Variants in IFT81 observed in about 807,000 individuals in gnomAD.
The protein encoded by IFT81 is intraflagellar transport 81, also known as intraflagellar transport protein 81 homolog.
IFT81 carries 72 observed loss-of-function variants against 102.6 expected under a neutral mutation model. The ratio of observed to expected loss-of-function variants is 0.70; its 90% confidence interval spans 0.58 to 0.85. The LOEUF (loss-of-function observed/expected upper bound fraction) is 0.85, where lower values mean the gene tolerates loss of function less well. IFT81 is among the 40% of genes least tolerant of loss of function. IFT81 has a pLI of 0.00. For missense variants in IFT81, 723 were observed against 787.3 expected (o/e 0.92, Z 0.98); for synonymous variants, 237 against 242.7 (o/e 0.98, Z 0.22).
At chr12:110,135,841 T>A (rs1187884080) in intron 7 of IFT81, among the ~76,000 whole-genome samples, 1 of 147,308 alleles carries the variant, frequency 6.8e-6, no homozygotes, top group Non-Finnish European at 1.5e-5. Context: ...CACTCCAGCT[T>A]AGGCAACAGA....
At chr12:110,187,781 C>G (rs1897601769) in intron 12 of IFT81, among the ~76,000 whole-genome samples, 1 of 152,048 alleles carries the variant, frequency 6.6e-6, no homozygotes, top group South Asian at 2.1e-4. Context: ...TTTTCTTAAG[C>G]TGGTATTTCT....
intron 6 of IFT81, 45 bp from the exon 7 acceptor site, chr12:110,135,282 C>A: frequency 7.8e-7 from 1 of 1,285,600 alleles, no homozygotes; most frequent in Non-Finnish European, 1.1e-6. Flanking sequence ...TAATTTTTTT[C>A]TTCAAACCTG....
At chr12:110,188,749 C>T (rs2137540028) in intron 12 of IFT81, among the ~76,000 whole-genome samples, 1 of 151,126 alleles carries the variant, frequency 6.6e-6, no homozygotes, top group Admixed American at 6.6e-5. Flanking sequence ...ATAGTGAAAC[C>T]CTATCTCTAC....
At chr12:110,154,622 G>A (rs1157555658) in intron 10 of IFT81, among the ~76,000 whole-genome samples, 2 of 134,382 alleles carry the variant, frequency 1.5e-5, no homozygotes, top group Admixed American at 8.0e-5. Context: ...GCAAGACTCT[G>A]TCTCACAAAA....
Position 110,205,512 on chromosome 12 carries a change from A to G in IFT81, c.1714A>G (p.Lys572Glu), listed in dbSNP as rs755158148. The change falls in exon 16 of 19, where the codon AAG (lysine) becomes GAG (glutamate). Residue 572 changes from lysine to glutamate, a missense_variant and splice_region_variant. Physicochemically the swap from Lys to Glu is moderately conservative, Grantham distance 56. Coordinates refer to ENST00000242591, the MANE Select transcript of IFT81 (RefSeq NM_014055.4). The part of the protein sequence containing the change: ...SRYHYTNCMI[K>E]NLEVQLRRAT... ...ATACCATTATACAAATTGTATGATTAAGGTAAGACAAAGTAGATCAAAAAC... is the reference window on the plus strand; with the variant it reads ...ATACCATTATACAAATTGTATGATTGAGGTAAGACAAAGTAGATCAAAAAC... The G allele has an allele frequency of 1.3e-6, 2 of 1,597,614 alleles. No homozygotes were observed. The highest frequency in any genetic ancestry group is 2.3e-5 in the South Asian group (2 of 87,136).
chr12:110,168,982 C>A (rs1205169692), intron 11 of IFT81: 2 of 151,928 alleles, frequency 1.3e-5, no homozygotes, highest in Non-Finnish European at 1.5e-5. Flanking sequence ...CGAGCTCCTG[C>A]TTGCTTGCCT....
rs1341360393 is a variant in IFT81 at position 110,124,743 on chromosome 12, G to A, written c.-140G>A. Reference sequence around the variant, plus strand: ...CTATTTCTGGTACTCCCAGGAGGCTGCGGGTCGATGCTCGTGCCAGCCTGG... The same window carrying A: ...CTATTTCTGGTACTCCCAGGAGGCTACGGGTCGATGCTCGTGCCAGCCTGG... On this transcript the variant is annotated 5_prime_UTR_variant, in exon 1 of 19. Transcript: ENST00000242591. 1.3e-5 allele frequency: 2 copies of A among 152,272 alleles called. No individual in the cohort carries two copies. Among genetic ancestry groups the A allele is most frequent in the African/African-American group, 4.8e-5 (2 of 41,470 alleles). 9.4% of individuals were successfully genotyped at this position (152,272 alleles called of 1,614,324 possible).
chr12:110,201,502 C>T (rs918131737), intron 14 of IFT81, among the ~76,000 whole-genome samples: 6 of 151,952 alleles, frequency 3.9e-5, no homozygotes, highest in African/African-American at 1.4e-4. Flanking sequence ...ACCATCATGG[C>T]TCACTGCAGC....
chr12:110,138,158 A>G (rs987032174), intron 8 of IFT81, among the ~76,000 whole-genome samples: 14 of 152,222 alleles, frequency 9.2e-5, no homozygotes, highest in Admixed American at 6.5e-4. Flanking sequence ...ATGAAATTCT[A>G]CAAGAGCAGG....
intron 13 of IFT81, among the ~76,000 whole-genome samples, chr12:110,191,786 A>C (rs1316373921): frequency 6.6e-6 from 1 of 151,420 alleles, no homozygotes; most frequent in Non-Finnish European, 1.5e-5. Context: ...CCCTCAGAGT[A>C]CCCCCCTCCA....
In IFT81 at chr12:110,180,493, A is replaced by C; in HGVS notation, c.1260A>C (p.Glu420Asp). Residue 420 changes from glutamate (E) to aspartate (D), a missense_variant, in exon 12 of 19, where the codon GAA (glutamate) becomes GAC (aspartate). Physicochemically the swap from Glu to Asp is conservative, Grantham distance 45 (BLOSUM62 2). Transcript: ENST00000242591. ...VFKKKHQIIA[E>D]LKAEFGLLQR... ...AAAAGAAGCATCAGATAATAGCTGA[A>C]CTTAAAGCTGAATTCGGTCTTTTGC... is the stretch of plus-strand genomic sequence containing the variant. 1 of 1,611,786 alleles carries C rather than the reference A, an allele frequency of 6.2e-7. No individual in the cohort carries two copies. The highest frequency in any genetic ancestry group is 8.5e-7 in the Non-Finnish European group (1 of 1,178,240).
chr12:110,211,175 CTTTTTTT>C (rs796140785), intron 18 of IFT81, among the ~76,000 whole-genome samples: 15 of 102,212 alleles, frequency 1.5e-4, no homozygotes, highest in Non-Finnish European at 2.9e-4. Context: ...ATTAGGCTTT[CTTTTTTT>C]TTTTTTTTTT....
intron 11 of IFT81, 43 bp from the exon 12 acceptor site, chr12:110,180,379 T>C (rs958177251): frequency 1.5e-6 from 2 of 1,315,088 alleles, no homozygotes; most frequent in East Asian, 2.4e-5. Flanking sequence ...ATTTAGCTAC[T>C]ACTTTTCTAC....
At chr12:110,149,976 G>C (rs1895432375) in intron 10 of IFT81, among the ~76,000 whole-genome samples, 1 of 152,234 alleles carries the variant, frequency 6.6e-6, no homozygotes, top group Non-Finnish European at 1.5e-5. Context: ...CATGGGGACA[G>C]ACCTGGGGGT....
chr12:110,169,089 CTCT>C (rs1896611733), intron 11 of IFT81: 16 of 149,704 alleles, frequency 1.1e-4, no homozygotes, highest in South Asian at 2.1e-4. Context: ...TCCTCTCTCT[CTCT>C]CTTTCTTTCT....
intron 12 of IFT81, among the ~76,000 whole-genome samples, chr12:110,181,834 G>A (rs1897322155): frequency 6.6e-6 from 1 of 152,116 alleles, no homozygotes. Flanking sequence ...TTGTGCTAGT[G>A]ATTTATTGAG....
intron 17 of IFT81, among the ~76,000 whole-genome samples, chr12:110,207,546 G>A (rs990470215): frequency 2.1e-5 from 3 of 143,950 alleles, no homozygotes; most frequent in Non-Finnish European, 4.5e-5. Flanking sequence ...TTTACCCCTC[G>A]TCCTTCAGTC....
intron 12 of IFT81, among the ~76,000 whole-genome samples, chr12:110,184,369 A>G (rs1166297605): frequency 6.6e-6 from 1 of 152,012 alleles, no homozygotes; most frequent in African/African-American, 2.4e-5. Context: ...AAATAAATAA[A>G]TTACAAATTA....
intron 5 of IFT81, among the ~76,000 whole-genome samples, chr12:110,133,146 T>C (rs1460086361): frequency 1.3e-5 from 2 of 151,826 alleles, no homozygotes; most frequent in African/African-American, 2.4e-5. Context: ...AATTTTTGTA[T>C]TTTTTTGTAG....
Sources: allele counts gnomAD v4.1 joint callset (sites outside exome capture counted in the v4.1 genomes callset), GRCh38; gene constraint gnomAD v4.1.1; transcripts MANE v1.5; gene names NCBI Gene and HGNC (gene_info 2026-07-23, HGNC 2026-07-21).